The following CPPED1 variants were observed in gnomAD, a reference collection of about 807,000 sequenced individuals.
CPPED1 encodes serine/threonine-protein phosphatase CPPED1.
CPPED1 carries 28 observed loss-of-function variants against 28.0 expected under a neutral mutation model. The ratio of observed to expected loss-of-function variants is 1.00; its 90% confidence interval spans 0.74 to 1.37. CPPED1 has a LOEUF of 1.37. Ranked by LOEUF, CPPED1 falls within the 40% of genes most tolerant of loss-of-function variation. The probability of loss-of-function intolerance (pLI) is 0.00; values close to 1 mark genes in which losing one functional copy is unlikely to be tolerated. For synonymous variants in CPPED1, 198 were observed against 180.2 expected (o/e 1.10, Z -0.79); for missense variants, 504 against 416.5 (o/e 1.21, Z -1.83).
intron 2 of CPPED1, among the ~76,000 whole-genome samples, chr16:12,732,555 G>A (rs1281758252): frequency 1.3e-5 from 2 of 151,754 alleles, no homozygotes; most frequent in Admixed American, 6.6e-5. Flanking sequence ...AAGGACTTCC[G>A]AGAACAAAAG....
intron 3 of CPPED1, among the ~76,000 whole-genome samples, chr16:12,698,364 T>A (rs962460634): frequency 1.3e-5 from 2 of 152,166 alleles, no homozygotes; most frequent in Non-Finnish European, 2.9e-5. Flanking sequence ...CAGAGCAGGA[T>A]TTGATGTTTT....
At position 12,662,731 on chromosome 16, in the gene CPPED1, A is replaced by G. The variant is rs1024860827; in HGVS notation, c.*2155T>C. The G allele has an allele frequency of 1.3e-5, 2 of 152,260 alleles. No individual in the cohort carries two copies. Among genetic ancestry groups the G allele is most frequent in the Admixed American group, 1.3e-4 (2 of 15,286 alleles). The allele number at this position is 152,260 out of a possible 1,614,324, so 9.4% of individuals were successfully genotyped here. A position where few individuals can be genotyped will look rare whatever the true frequency, so the allele number is the denominator to read the frequency against. On this transcript the variant is annotated 3_prime_UTR_variant, in exon 4 of 4. Coordinates refer to ENST00000381774, the MANE Select transcript of CPPED1 (RefSeq NM_018340.3). ...TGGTTTCATTCTTTTTAGTGGCTGA[A>G]TAGTATTCCATTATGTATACATACC...
intron 2 of CPPED1, among the ~76,000 whole-genome samples, chr16:12,770,670 A>G (rs908966167): frequency 6.6e-6 from 1 of 152,130 alleles, no homozygotes; most frequent in African/African-American, 2.4e-5. Context: ...AAAATACAAA[A>G]ATCAGCCGGT....
In CPPED1 at chr16:12,660,955, A is replaced by G. The variant is rs1227813452; in HGVS notation, c.*3931T>C. The G allele has an allele frequency of 3.3e-5, 5 of 152,194 alleles. No individual in the cohort carries two copies. Among genetic ancestry groups the G allele is most frequent in the Admixed American group, 2.0e-4 (3 of 15,266 alleles). 9.4% of individuals were successfully genotyped at this position (152,194 alleles called of 1,614,324 possible). On this transcript the variant is annotated 3_prime_UTR_variant, in exon 4 of 4. Coordinates refer to ENST00000381774, the MANE Select transcript of CPPED1 (RefSeq NM_018340.3). ...GAGCAAGACCTTCAACTCCACAAATATAAAAATAAAAAATTAGATGTGGTG... is the reference window on the plus strand; with the variant it reads ...GAGCAAGACCTTCAACTCCACAAATGTAAAAATAAAAAATTAGATGTGGTG...
chr16:12,738,442 C>T (rs754754546), intron 2 of CPPED1, among the ~76,000 whole-genome samples: 2 of 151,636 alleles, frequency 1.3e-5, no homozygotes, highest in African/African-American at 2.4e-5. Flanking sequence ...CACACTCGCG[C>T]ACACACACAC....
chr16:12,771,326 A>C (rs2080469266), intron 2 of CPPED1, among the ~76,000 whole-genome samples: 1 of 152,264 alleles, frequency 6.6e-6, no homozygotes, highest in South Asian at 2.1e-4. Flanking sequence ...TGTGTTCCAG[A>C]AAACTGTACT....
At position 12,794,964 on chromosome 16, in the gene CPPED1, C is replaced by T. The variant is rs142999607; in HGVS notation, c.70+8743G>A. ...TTTTGGCATCACTGGCTTTGGCTGACGCCATTCGAGACAACGGTTAAAGAG... is the reference window on the plus strand; with the variant it reads ...TTTTGGCATCACTGGCTTTGGCTGATGCCATTCGAGACAACGGTTAAAGAG... On this transcript the variant is annotated intron_variant, in intron 1 of 3. Coordinates refer to ENST00000381774, the MANE Select transcript of CPPED1 (RefSeq NM_018340.3). Among the ~76,000 whole-genome samples, 319 of 152,344 alleles carry T rather than the reference C, an allele frequency of 2.1e-3. 8 individuals carry two copies. Among genetic ancestry groups the T allele is most frequent in the Admixed American group, 4.6e-3 (71 of 15,294 alleles).
intron 3 of CPPED1, among the ~76,000 whole-genome samples, chr16:12,694,775 ACC>A (rs199988383): frequency 5.4e-5 from 7 of 128,822 alleles, no homozygotes; most frequent in Non-Finnish European, 1.2e-4. Flanking sequence ...TTTTTTAAAA[ACC>A]CCCCCCTTTT....
rs76682771 is a variant in CPPED1, at chr16:12,729,510, T to G, written c.290-24461A>C. Reference sequence around the variant, plus strand: ...CATTCTATCTAATAAAGATGTGGAATCAGAATCGTGTTGTCATCTTGTTGG... The same window carrying G: ...CATTCTATCTAATAAAGATGTGGAAGCAGAATCGTGTTGTCATCTTGTTGG... On this transcript the variant is annotated intron_variant, in intron 2 of 3. Transcript: ENST00000381774. Among the ~76,000 whole-genome samples, 1,279 of 152,306 alleles carry G rather than the reference T, an allele frequency of 8.4e-3. 21 individuals carry two copies. The highest frequency in any genetic ancestry group is 0.029 in the African/African-American group (1,193 of 41,584).
intron 2 of CPPED1, among the ~76,000 whole-genome samples, chr16:12,729,131 G>C (rs1456360048): frequency 6.6e-6 from 1 of 152,084 alleles, no homozygotes; most frequent in Non-Finnish European, 1.5e-5. Context: ...GAGAGGTGTG[G>C]AGAGTCCAGC....
intron 1 of CPPED1, among the ~76,000 whole-genome samples, chr16:12,792,631 C>T (rs892929362): frequency 3.9e-5 from 6 of 152,144 alleles, no homozygotes; most frequent in Non-Finnish European, 7.3e-5. Context: ...CCATAATTCC[C>T]ACATGTCATG....
chr16:12,703,271 T>G (rs2080029971), intron 3 of CPPED1, among the ~76,000 whole-genome samples: 1 of 152,132 alleles, frequency 6.6e-6, no homozygotes, highest in Non-Finnish European at 1.5e-5. Flanking sequence ...TATGTGAGCT[T>G]ATTGCAAAAT....
At chr16:12,668,421 C>A (rs2079837061) in intron 3 of CPPED1, among the ~76,000 whole-genome samples, 1 of 151,996 alleles carries the variant, frequency 6.6e-6, no homozygotes, top group Admixed American at 6.6e-5. Flanking sequence ...TACGGAATAA[C>A]CTGATACTTT....
chr16:12,787,818 C>A (rs527326430), intron 1 of CPPED1, among the ~76,000 whole-genome samples: 27 of 152,186 alleles, frequency 1.8e-4, no homozygotes, highest in Admixed American at 5.2e-4. Flanking sequence ...AAACAACCCA[C>A]ATTTATTATC....
intron 2 of CPPED1, among the ~76,000 whole-genome samples, chr16:12,734,875 G>C (rs1412989823): frequency 6.6e-6 from 1 of 152,064 alleles, no homozygotes; most frequent in African/African-American, 2.4e-5. Flanking sequence ...AGGAACACAG[G>C]GATGAACCTG....
At chr16:12,739,490 A>G (rs2080243264) in intron 2 of CPPED1, among the ~76,000 whole-genome samples, 1 of 152,114 alleles carries the variant, frequency 6.6e-6, no homozygotes, top group East Asian at 1.9e-4. Context: ...CTGAGGCAGG[A>G]GAATCACTTG....
chr16:12,744,570 C>A (rs116344790), intron 2 of CPPED1, among the ~76,000 whole-genome samples: 17 of 152,090 alleles, frequency 1.1e-4, no homozygotes, highest in Admixed American at 9.2e-4. Flanking sequence ...GCCCTACAGG[C>A]GTCGGACTGC....
At chr16:12,673,955 G>A (rs958967232) in intron 3 of CPPED1, among the ~76,000 whole-genome samples, 1 of 152,072 alleles carries the variant, frequency 6.6e-6, no homozygotes, top group Non-Finnish European at 1.5e-5. Flanking sequence ...AGGCTGAGAA[G>A]GGAGGATTGC....
intron 2 of CPPED1, among the ~76,000 whole-genome samples, chr16:12,767,809 T>C (rs1028257605): frequency 1.3e-5 from 2 of 151,888 alleles, no homozygotes; most frequent in Non-Finnish European, 2.9e-5. Flanking sequence ...ATATAAAAAT[T>C]AGCTGGGTGT....
Sources: allele counts gnomAD v4.1 joint callset (sites outside exome capture counted in the v4.1 genomes callset), GRCh38; gene constraint gnomAD v4.1.1; transcripts MANE v1.5; gene names NCBI Gene and HGNC (gene_info 2026-07-23, HGNC 2026-07-21).